Variants in UBE2G1 observed in about 807,000 individuals in gnomAD.
UBE2G1 encodes ubiquitin-conjugating enzyme E2 G1.
A neutral mutation model predicts 22.7 loss-of-function variants in UBE2G1; 5 were observed. The ratio of observed to expected loss-of-function variants is 0.22; its 90% CI spans 0.12 to 0.46. The LOEUF (loss-of-function observed/expected upper bound fraction) is 0.46. UBE2G1 is among the 20% of genes least tolerant of loss of function. The pLI, the probability that UBE2G1 is intolerant of heterozygous loss-of-function variation, is 0.99. For synonymous variants in UBE2G1, 74 were observed against 67.5 expected (o/e 1.10, Z -0.47); for missense variants, 88 against 203.9 (o/e 0.43, Z 3.46).
intron 4 of UBE2G1, among the ~76,000 whole-genome samples, chr17:4,287,439 C>T (rs1271688222): frequency 6.6e-6 from 1 of 152,110 alleles, no homozygotes; most frequent in Non-Finnish European, 1.5e-5. Flanking sequence ...GATAGTTGAG[C>T]ATGAACCATA....
At chr17:4,351,540 A>G (rs1035771543) in intron 1 of UBE2G1, among the ~76,000 whole-genome samples, 2 of 152,238 alleles carry the variant, frequency 1.3e-5, no homozygotes, top group Non-Finnish European at 2.9e-5. Flanking sequence ...CAGAGAAGAT[A>G]GCAAAAATAC....
At chr17:4,319,759 GA>G (rs1567522666) in intron 1 of UBE2G1, among the ~76,000 whole-genome samples, 2 of 151,776 alleles carry the variant, frequency 1.3e-5, no homozygotes, top group Non-Finnish European at 2.9e-5. Context: ...GCCCAAACAG[GA>G]AGTCCAAATA....
At chr17:4,285,590 G>C (rs1432886820) in intron 4 of UBE2G1, among the ~76,000 whole-genome samples, 1 of 152,212 alleles carries the variant, frequency 6.6e-6, no homozygotes, top group African/African-American at 2.4e-5. Context: ...AGATTCAATT[G>C]AGAAGAGCAG....
At chr17:4,288,922 C>T (rs1226230439) in intron 4 of UBE2G1, among the ~76,000 whole-genome samples, 1 of 151,904 alleles carries the variant, frequency 6.6e-6, no homozygotes, top group African/African-American at 2.4e-5. Flanking sequence ...CACATGTAAT[C>T]GGAACAATTT....
rs74974808 is a variant in UBE2G1 at position 4,342,491 on chromosome 17, G to A, written c.46+23780C>T. Among the ~76,000 whole-genome samples the A allele has an allele frequency of 5.3e-3, 805 of 152,336 alleles. 7 individuals carry two copies. Among genetic ancestry groups the A allele is most frequent in the African/African-American group, 0.019 (772 of 41,576 alleles). On this transcript the variant is annotated intron_variant, in intron 1 of 5. Transcript: ENST00000396981. ...GCCTATGGTCCCAGCTACTGGGGAAGCTGAGGCTTGAGCCCAGGGGTTCGA... is the reference window on the plus strand; with the variant it reads ...GCCTATGGTCCCAGCTACTGGGGAAACTGAGGCTTGAGCCCAGGGGTTCGA...
At chr17:4,347,899 G>T (rs1008858500) in intron 1 of UBE2G1, among the ~76,000 whole-genome samples, 1 of 152,256 alleles carries the variant, frequency 6.6e-6, no homozygotes, top group South Asian at 2.1e-4. Flanking sequence ...CTTAATAAAC[G>T]TTGTGTGTGT....
chr17:4,325,931 T>C (rs2143768350), intron 1 of UBE2G1, among the ~76,000 whole-genome samples: 1 of 152,184 alleles, frequency 6.6e-6, no homozygotes, highest in Non-Finnish European at 1.5e-5. Context: ...AGAATGAAGG[T>C]GGATTCTTTC....
At chr17:4,331,170 C>T (rs2143777953) in intron 1 of UBE2G1, among the ~76,000 whole-genome samples, 2 of 152,184 alleles carry the variant, frequency 1.3e-5, no homozygotes, top group South Asian at 4.1e-4. Context: ...TTAGCAAAGC[C>T]TTTCTAGAAG....
intron 1 of UBE2G1, among the ~76,000 whole-genome samples, chr17:4,313,992 T>A (rs1969340037): frequency 6.6e-6 from 1 of 152,056 alleles, no homozygotes; most frequent in Admixed American, 6.6e-5. Context: ...TTACCAAGAA[T>A]AAGACTAAAA....
chr17:4,361,154 C>T (rs973309361), intron 1 of UBE2G1, among the ~76,000 whole-genome samples: 4 of 151,818 alleles, frequency 2.6e-5, no homozygotes, highest in East Asian at 3.9e-4. Context: ...ACTCAGGAGG[C>T]GGAGGTTGCA....
chr17:4,359,866 A>C lies in UBE2G1; in HGVS notation c.46+6405T>G, dbSNP rs144927364. Among the ~76,000 whole-genome samples, 429 of 130,124 alleles carry C rather than the reference A, an allele frequency of 3.3e-3. 3 individuals are homozygous for C. The highest frequency in any genetic ancestry group is 0.012 in the African/African-American group (397 of 33,074). 85.4% of individuals were successfully genotyped at this position (130,124 alleles called of 152,430 possible). ...GGCTCCATCTCAAAAAAAAAAAAAA[A>C]ACAAACAAAAAAAAACTGCTGATTA... On this transcript the variant is annotated intron_variant, in intron 1 of 5. Coordinates refer to ENST00000396981, the MANE Select transcript of UBE2G1 (RefSeq NM_003342.5).
At chr17:4,274,298 C>A (rs911109313) in intron 5 of UBE2G1, among the ~76,000 whole-genome samples, 1 of 151,068 alleles carries the variant, frequency 6.6e-6, no homozygotes, top group Non-Finnish European at 1.5e-5. Flanking sequence ...CCCGGGTTCG[C>A]GCCATTCTCC....
intron 1 of UBE2G1, among the ~76,000 whole-genome samples, chr17:4,337,870 A>C (rs1366774634): frequency 6.6e-6 from 1 of 151,946 alleles, no homozygotes; most frequent in Non-Finnish European, 1.5e-5. Context: ...CTGCAGAATT[A>C]ATTCTAAAAC....
At chr17:4,301,327 C>T in intron 2 of UBE2G1, 1 of 444,116 alleles carries the variant, frequency 2.3e-6, no homozygotes, top group Non-Finnish European at 4.2e-6. Flanking sequence ...CCTTTTGCCT[C>T]TCAGCCTCCC....
At chr17:4,324,901 C>T (rs1304190859) in intron 1 of UBE2G1, among the ~76,000 whole-genome samples, 1 of 151,962 alleles carries the variant, frequency 6.6e-6, no homozygotes, top group African/African-American at 2.4e-5. Flanking sequence ...CACAGTGAAA[C>T]CACGTCTCTA....
At chr17:4,351,392 G>A (rs12944289) in intron 1 of UBE2G1, among the ~76,000 whole-genome samples, 2,540 of 152,290 alleles carry the variant, frequency 0.017, 45 homozygotes, top group Non-Finnish European at 0.026. Context: ...CAATACCCTC[G>A]TCTGTGCCAC....
Position 4,296,768 on chromosome 17 carries a change from G to A in UBE2G1, c.196C>T (p.Pro66Ser). Residue 66 changes from proline (P) to serine (S), a missense_variant, in exon 3 of 6, where the codon CCC becomes TCC. Physicochemically the swap from Pro to Ser is moderately conservative, Grantham distance 74. Coordinates refer to ENST00000396981, the MANE Select transcript of UBE2G1 (RefSeq NM_003342.5). ...KAHLTFPKDY[P>S]LRPPKMKFIT... ...AATTTCATTTTAGGAGGTCGGAGGG[G>A]ATAATCTTTTGGGAAAGTAAGATGA... The A allele has an allele frequency of 6.2e-7, 1 of 1,614,024 alleles. No homozygotes were observed.
Position 4,347,606 on chromosome 17 carries a change from C to T in UBE2G1, c.46+18665G>A, listed in dbSNP as rs904438611. Among the ~76,000 whole-genome samples, 10 of 150,212 alleles carry T rather than the reference C, an allele frequency of 6.7e-5. No homozygotes were observed. In the East Asian group the frequency reaches 2.0e-3, roughly 30 times the overall value. ...TCTCATGCCTCAGCCTCCCAAATAG[C>T]TGCAACTACAGGCAAATGCCACCAT... On this transcript the variant is annotated intron_variant, in intron 1 of 5. Coordinates refer to ENST00000396981, the MANE Select transcript of UBE2G1 (RefSeq NM_003342.5).
intron 1 of UBE2G1, among the ~76,000 whole-genome samples, chr17:4,323,795 G>A (rs1468168514): frequency 2.0e-5 from 3 of 152,082 alleles, no homozygotes; most frequent in Admixed American, 6.5e-5. Flanking sequence ...TGCCCACCTC[G>A]GCCTCCCAAA....
Sources: gnomAD v4.1 joint callset for allele counts (sites outside exome capture counted in the v4.1 genomes callset) on GRCh38, gnomAD v4.1.1 for gene constraint, MANE v1.5 for transcripts, NCBI Gene and HGNC (gene_info 2026-07-23, HGNC 2026-07-21) for gene names.